MID1: variants seen among roughly 807,000 people sequenced by gnomAD.
MID1 encodes the protein midline 1, also known as E3 ubiquitin-protein ligase Midline-1.
MID1 carries 7 observed loss-of-function variants against 40.4 expected under a neutral mutation model. That is an observed-to-expected ratio of 0.17 (90% CI 0.10 to 0.33). The LOEUF (loss-of-function observed/expected upper bound fraction) is 0.33, where lower values mean the gene tolerates loss of function less well. MID1 is among the 10% of genes least tolerant of loss of function. The probability of loss-of-function intolerance (pLI) is 1.00; values close to 1 mark genes in which losing one functional copy is unlikely to be tolerated. For missense variants in MID1, 367 were observed against 558.5 expected (o/e 0.66, Z 3.46); for synonymous variants, 229 against 221.2 (o/e 1.04, Z -0.31).
intron 1 of MID1, among the ~76,000 whole-genome samples, chrX:10,756,033 A>G (rs1309405103): frequency 8.9e-6 from 1 of 112,470 alleles, no homozygotes; most frequent in Non-Finnish European, 1.9e-5. Flanking sequence ...ATGTGAATCT[A>G]TCACTAATTT....
chrX:10,714,337 T>A (rs936498347), intron 1 of MID1, among the ~76,000 whole-genome samples: 1 of 112,350 alleles, frequency 8.9e-6, no homozygotes, highest in African/African-American at 3.2e-5. Context: ...GAGGCACAGC[T>A]TAGAGCGAAG....
rs1478600690 is a variant in MID1 at position 10,493,384 on chromosome X, C to T, written c.864+2200G>A. ...CCAGAAAGAAACAGCACTGCCAAAA[C>T]CTTGACTGTCGATTTTGTTTAACCC... is the stretch of plus-strand genomic sequence containing the variant. On this transcript the variant is annotated intron_variant, in intron 4 of 9. Coordinates refer to ENST00000317552, the MANE Select transcript of MID1 (RefSeq NM_000381.4). Among the ~76,000 whole-genome samples, 3 of 111,537 alleles carry T rather than the reference C, an allele frequency of 2.7e-5. No individual in the cohort carries two copies. The Admixed American group carries it at 2.9e-4, about 11-fold the overall frequency.
intron 1 of MID1, among the ~76,000 whole-genome samples, chrX:10,584,084 C>T (rs1430375024): frequency 9.1e-6 from 1 of 110,041 alleles, no homozygotes; most frequent in African/African-American, 3.3e-5. Flanking sequence ...ATCTCTGTTT[C>T]CAAAATGGCA....
chrX:10,494,327 C>T (rs886154272), intron 4 of MID1, among the ~76,000 whole-genome samples: 12 of 111,513 alleles, frequency 1.1e-4, no homozygotes, highest in Non-Finnish European at 1.9e-4. Flanking sequence ...ACATTAGCCA[C>T]GGTTATCTCT....
chrX:10,763,912 G>C (rs1489630226), intron 1 of MID1, among the ~76,000 whole-genome samples: 1 of 112,229 alleles, frequency 8.9e-6, no homozygotes, highest in Non-Finnish European at 1.9e-5. Context: ...TTCTCTGATA[G>C]CCAGTGATGA....
intron 1 of MID1, among the ~76,000 whole-genome samples, chrX:10,613,732 T>C (rs12861252): frequency 5.7e-5 from 1 of 17,469 alleles, no homozygotes; most frequent in African/African-American, 1.8e-4. Flanking sequence ...TATATATATA[T>C]AGAGAGAGAG....
At chrX:10,618,535 C>T (rs1935878035) in intron 1 of MID1, among the ~76,000 whole-genome samples, 1 of 111,488 alleles carries the variant, frequency 9.0e-6, no homozygotes, top group Non-Finnish European at 1.9e-5. Context: ...CTGAACAGGC[C>T]AAAAAAATTA....
At chrX:10,632,275 C>T (rs1247318766) in intron 1 of MID1, among the ~76,000 whole-genome samples, 2 of 111,756 alleles carry the variant, frequency 1.8e-5, no homozygotes, top group Admixed American at 9.5e-5. Flanking sequence ...TGTGCTGTAC[C>T]TGTTTCTTCT....
chrX:10,507,713 G>A (rs1031911959), intron 3 of MID1, among the ~76,000 whole-genome samples: 7 of 111,944 alleles, frequency 6.3e-5, no homozygotes, highest in Non-Finnish European at 1.3e-4. Context: ...TCATCCCTTT[G>A]GCAGCAATAC....
At chrX:10,654,011 A>G (rs2147577035) in intron 1 of MID1, among the ~76,000 whole-genome samples, 1 of 112,447 alleles carries the variant, frequency 8.9e-6, no homozygotes, top group African/African-American at 3.2e-5. Flanking sequence ...GTTTATTCAG[A>G]CAACAAATAT....
intron 1 of MID1, among the ~76,000 whole-genome samples, chrX:10,816,465 T>A (rs1039521134): frequency 1.8e-5 from 2 of 112,108 alleles, no homozygotes; most frequent in Non-Finnish European, 3.8e-5. Context: ...TAATAAATGG[T>A]TGTTTAACAA....
At chrX:10,762,677 C>T (rs1260600499) in intron 1 of MID1, among the ~76,000 whole-genome samples, 3 of 110,897 alleles carry the variant, frequency 2.7e-5, no homozygotes, top group Non-Finnish European at 5.7e-5. Context: ...TCAAGCGATC[C>T]GCCCGCCTTG....
At position 10,452,555 on chromosome X, in the gene MID1, TTAAAGTCAGGACTATA is replaced by T. The variant is rs1299294138; in HGVS notation, c.1655+2299_1655+2314del. On this transcript the variant is annotated intron_variant, in intron 9 of 9. Transcript: ENST00000317552. ...CACAGATCATAATGTACACATCAAT[TTAAAGTCAGGACTATA>T]TTTCATAAGCAAATATGTCATTAGC... is the stretch of plus-strand genomic sequence containing the variant. Among the ~76,000 whole-genome samples, 6 of 111,889 alleles carry T rather than the reference TTAAAGTCAGGACTATA, an allele frequency of 5.4e-5. No individual in the cohort carries two copies. In the Admixed American group the frequency reaches 5.7e-4, roughly 11 times the overall value.
At chrX:10,493,991 C>T (rs975536154) in intron 4 of MID1, among the ~76,000 whole-genome samples, 4 of 111,920 alleles carry the variant, frequency 3.6e-5, no homozygotes, top group African/African-American at 1.3e-4. Context: ...AGATGTGCAC[C>T]TATGATGCAC....
At chrX:10,685,584 G>A (rs1183107706) in intron 1 of MID1, among the ~76,000 whole-genome samples, 1 of 111,469 alleles carries the variant, frequency 9.0e-6, no homozygotes, top group Non-Finnish European at 1.9e-5. Flanking sequence ...TGCTCAGAGA[G>A]GCCAAGAAGA....
intron 1 of MID1, among the ~76,000 whole-genome samples, chrX:10,716,913 T>A (rs2043308017): frequency 1.8e-5 from 2 of 111,673 alleles, no homozygotes; most frequent in Non-Finnish European, 3.8e-5. Context: ...GAAAAGAATT[T>A]TCAACCCAGA....
intron 3 of MID1, among the ~76,000 whole-genome samples, chrX:10,503,069 A>G (rs1931639415): frequency 9.0e-6 from 1 of 111,195 alleles, no homozygotes; most frequent in Non-Finnish European, 1.9e-5. Flanking sequence ...ATGAGGGTAC[A>G]GGGAGAAAAC....
chrX:10,621,853 A>G (rs1935938213), upstream of MID1, among the ~76,000 whole-genome samples: 1 of 107,017 alleles, frequency 9.3e-6, no homozygotes, highest in African/African-American at 3.4e-5. Flanking sequence ...CAATCTCAGC[A>G]CTATTGACAT....
chrX:10,516,351 T>C (rs1021545317), intron 3 of MID1, among the ~76,000 whole-genome samples: 1 of 108,946 alleles, frequency 9.2e-6, no homozygotes, highest in South Asian at 4.1e-4. Context: ...CCCGCCACCA[T>C]GCCCGGCTAA....
Sources: allele counts gnomAD v4.1 joint callset (sites outside exome capture counted in the v4.1 genomes callset), GRCh38; gene constraint gnomAD v4.1.1; transcripts MANE v1.5; gene names NCBI Gene and HGNC (gene_info 2026-07-23, HGNC 2026-07-21).